The following ADD2 variants were observed in gnomAD, a reference collection of about 807,000 sequenced individuals.
ADD2 encodes the protein beta-adducin.
ADD2 carries 23 observed loss-of-function variants against 83.0 expected under a neutral mutation model. That is an observed-to-expected ratio of 0.28 (90% confidence interval 0.20 to 0.39). The LOEUF (loss-of-function observed/expected upper bound fraction) is 0.39. Ranked by LOEUF, ADD2 falls within the 10% of genes least tolerant of loss-of-function variation. ADD2 has a pLI of 1.00. For synonymous variants in ADD2, 375 were observed against 375.4 expected, an observed-to-expected ratio of 1.00 and a Z score of 0.01; for missense variants, 758 against 944.9, an observed-to-expected ratio of 0.80 and a Z score of 2.59.
intron 4 of ADD2, 58 bp downstream of exon 4, chr2:70,704,263 T>TGCGCCCCCCCCCCCCCCCCAC: frequency 1.1e-6 from 1 of 913,238 alleles, no homozygotes. Context: ...CTCCCTCTCT[T>TGCGCCCCCCCCCCCCCCCCAC]CCCCACCCCA....
rs114946969 is a variant in ADD2 at position 70,730,979 on chromosome 2, C to T, written c.-153-17795G>A. Among the ~76,000 whole-genome samples the T allele has an allele frequency of 2.4e-3, 362 of 152,356 alleles. 3 individuals carry two copies. Among genetic ancestry groups the T allele is most frequent in the African/African-American group, 8.3e-3 (346 of 41,582 alleles). On this transcript the variant is annotated intron_variant, in intron 1 of 15. Transcript: ENST00000264436. ...ACCAAACAATGCATTTCTCAGAACACAGCCTTGTCATTAAGCAACATGTGA... is the reference window on the plus strand; with the variant it reads ...ACCAAACAATGCATTTCTCAGAACATAGCCTTGTCATTAAGCAACATGTGA...
At chr2:70,743,715 AG>A (rs1306734130) in intron 1 of ADD2, among the ~76,000 whole-genome samples, 3 of 152,238 alleles carry the variant, frequency 2.0e-5, no homozygotes, top group Non-Finnish European at 2.9e-5. Context: ...AAGTCTTGTA[AG>A]GAAAAACAAG....
Position 70,706,419 on chromosome 2 carries a change from G to A in ADD2, c.-11C>T, listed in dbSNP as rs1671906612. 1 of 1,599,278 alleles carries A rather than the reference G, an allele frequency of 6.3e-7. No individual in the cohort carries two copies. The highest frequency in any genetic ancestry group is 2.2e-5 in the East Asian group (1 of 44,690). On this transcript the variant is annotated 5_prime_UTR_variant, in exon 3 of 16. Transcript: ENST00000264436. This position sits in a 1 kb window ranked among gnomAD's most constrained non-coding sequence, Gnocchi z 5.0. ...CGTCTCTTCGCTCATTTTCCCGGTG[G>A]GTTTGCAATTCGCTCCTGGAACTCT...
intron 14 of ADD2, 145 bp from the exon 15 acceptor site, chr2:70,673,151 T>C: frequency 6.5e-7 from 1 of 1,549,216 alleles, no homozygotes; most frequent in Non-Finnish European, 8.9e-7. Context: ...AGTTAGCTCC[T>C]CCCCCTGACC....
Position 70,663,164 on chromosome 2 carries a change from G to A in ADD2, c.*261C>T, listed in dbSNP as rs1553365346. 1 of 465,156 alleles carries A rather than the reference G, an allele frequency of 2.1e-6. No individual in the cohort carries two copies. Among genetic ancestry groups the A allele is most frequent in the Non-Finnish European group, 3.9e-6 (1 of 257,346 alleles). The allele number at this position is 465,156 out of a possible 1,614,324, so 28.8% of individuals were successfully genotyped here. On this transcript the variant is annotated 3_prime_UTR_variant, in exon 16 of 16. Coordinates refer to ENST00000264436, the MANE Select transcript of ADD2 (RefSeq NM_001617.4). ...TAGGCAGTGTTGTGTAGTAGAAGGA[G>A]CACTGGACTGGAAGTCAGGAGACCT...
At chr2:70,710,432 C>T (rs1275517299) in intron 2 of ADD2, among the ~76,000 whole-genome samples, 3 of 152,346 alleles carry the variant, frequency 2.0e-5, no homozygotes, top group East Asian at 1.9e-4. Context: ...GAGCTCACAC[C>T]GCTATGCCCC....
intron 1 of ADD2, among the ~76,000 whole-genome samples, chr2:70,740,040 A>T (rs909788223): frequency 2.0e-5 from 3 of 152,246 alleles, no homozygotes; most frequent in Non-Finnish European, 4.4e-5. Context: ...AAAAAACTAA[A>T]ATAGATAATA....
intron 1 of ADD2, among the ~76,000 whole-genome samples, chr2:70,727,668 G>A (rs1673076407): frequency 6.6e-6 from 1 of 152,108 alleles, no homozygotes; most frequent in Non-Finnish European, 1.5e-5. Context: ...GCTGAGGTGG[G>A]CAGATCACTT....
At chr2:70,745,101 A>G (rs1293072178) in intron 1 of ADD2, among the ~76,000 whole-genome samples, 1 of 152,050 alleles carries the variant, frequency 6.6e-6, no homozygotes, top group Non-Finnish European at 1.5e-5. Context: ...CCTGGCTAAC[A>G]TGGTGAAACC....
chr2:70,754,591 C>T (rs1229634832), intron 1 of ADD2, among the ~76,000 whole-genome samples: 2 of 152,272 alleles, frequency 1.3e-5, no homozygotes, highest in South Asian at 2.1e-4. Context: ...CAGCTCCTGG[C>T]TAACCATCTT....
At chr2:70,693,918 C>CT (rs1671181952) in intron 6 of ADD2, among the ~76,000 whole-genome samples, 1 of 152,232 alleles carries the variant, frequency 6.6e-6, no homozygotes, top group Non-Finnish European at 1.5e-5. Context: ...CAGGTACCCC[C>CT]TCTTGAGGAC....
At chr2:70,714,497 C>T (rs968400745) in intron 1 of ADD2, among the ~76,000 whole-genome samples, 1 of 152,246 alleles carries the variant, frequency 6.6e-6, no homozygotes, top group Non-Finnish European at 1.5e-5. Context: ...AGCCAGGGGG[C>T]CTGGGGCTCA....
chr2:70,715,010 C>T (rs1256269647), intron 1 of ADD2, among the ~76,000 whole-genome samples: 1 of 152,146 alleles, frequency 6.6e-6, no homozygotes, highest in Non-Finnish European at 1.5e-5. Flanking sequence ...CTGAAATTCC[C>T]CACCAGAGCA....
chr2:70,689,827 C>T (rs576071493), intron 8 of ADD2, among the ~76,000 whole-genome samples: 37 of 152,312 alleles, frequency 2.4e-4, no homozygotes, highest in African/African-American at 4.8e-4. Context: ...CAACAAGATT[C>T]CATTTTTCTC....
intron 7 of ADD2, 113 bp downstream of exon 7, chr2:70,692,290 G>C: frequency 1.6e-6 from 2 of 1,253,002 alleles, no homozygotes; most frequent in Non-Finnish European, 2.1e-6. Context: ...GAGTTCTCTC[G>C]CTTCACCTTG....
chr2:70,722,310 A>G (rs1672769408), intron 1 of ADD2, among the ~76,000 whole-genome samples: 1 of 152,136 alleles, frequency 6.6e-6, no homozygotes. Flanking sequence ...TTACTGAGAA[A>G]GAAAAAAAAA....
chr2:70,688,536 T>G (rs906048891), intron 8 of ADD2, among the ~76,000 whole-genome samples: 10 of 152,224 alleles, frequency 6.6e-5, no homozygotes, highest in Non-Finnish European at 1.5e-4. Context: ...ATGAAGTTGT[T>G]TGCTATCCAA....
chr2:70,709,399 A>G (rs1185445054), intron 2 of ADD2, among the ~76,000 whole-genome samples: 2 of 152,096 alleles, frequency 1.3e-5, no homozygotes, highest in Non-Finnish European at 2.9e-5. Flanking sequence ...GGTTGTGGTC[A>G]TACTTGGCAA....
chr2:70,686,582 G>A (rs910033377), intron 9 of ADD2, among the ~76,000 whole-genome samples: 1 of 152,160 alleles, frequency 6.6e-6, no homozygotes, highest in African/African-American at 2.4e-5. Context: ...GTTTTTACAG[G>A]AGATATTTTC....
Sources: gnomAD v4.1 joint callset for allele counts (sites outside exome capture counted in the v4.1 genomes callset) on GRCh38, gnomAD v4.1.1 for gene constraint, Gnocchi (gnomAD v3.1) non-coding constraint, MANE v1.5 for transcripts, NCBI Gene and HGNC (gene_info 2026-07-23, HGNC 2026-07-21) for gene names.